Variants in ITGA11 observed in about 807,000 individuals in gnomAD.
ITGA11 encodes integrin subunit alpha 11, also known as integrin alpha-11.
In ITGA11, 97 loss-of-function variants were observed where a neutral mutation model predicts 141.9. The observed-to-expected ratio is 0.68, with a 90% confidence interval of 0.58 to 0.81. The LOEUF (loss-of-function observed/expected upper bound fraction) is 0.81. Among genes scored for constraint, ITGA11 ranks in the 30% least tolerant of loss-of-function variants. The pLI is 0.00. For synonymous variants in ITGA11, 658 were observed against 624.6 expected (o/e 1.05, Z -0.80); for missense variants, 1,387 against 1,559.2 (o/e 0.89, Z 1.86).
intron 1 of ITGA11, among the ~76,000 whole-genome samples, chr15:68,431,305 T>G (rs1897265514): frequency 6.6e-6 from 1 of 152,174 alleles, no homozygotes; most frequent in South Asian, 2.1e-4. Context: ...TTTCCCCAGA[T>G]TATTGAATAA....
At chr15:68,350,486 G>T in intron 9 of ITGA11, 131 bp downstream of exon 9, 1 of 863,158 alleles carries the variant, frequency 1.2e-6, no homozygotes, top group Non-Finnish European at 1.7e-6. Context: ...CACCATGCCT[G>T]GCCTGGCATT....
intron 20 of ITGA11, among the ~76,000 whole-genome samples, chr15:68,318,099 A>G: frequency 6.6e-6 from 1 of 151,932 alleles, no homozygotes. Context: ...GATGTTGGGG[A>G]GAGAGAGGAG....
chr15:68,307,453 C>A lies in ITGA11; in HGVS notation c.3286-10G>T. On this transcript the variant is annotated splice_polypyrimidine_tract_variant and intron_variant, in intron 27 of 29. Transcript: ENST00000315757. The surrounding 1 kb of genome is among the most constrained non-coding windows in gnomAD (Gnocchi z 6.1). ...TGGATTTGTACTTGAGCTGTGCAAT[C>A]AGAGGGCTCGTCAGAAGCTGGCTTG... 1 of 1,553,698 alleles carries A rather than the reference C, an allele frequency of 6.4e-7. No homozygotes were observed. Among genetic ancestry groups the A allele is most frequent in the East Asian group, 2.4e-5 (1 of 41,268 alleles).
At chr15:68,355,801 A>G (rs1190886148) in intron 7 of ITGA11, among the ~76,000 whole-genome samples, 5 of 151,672 alleles carry the variant, frequency 3.3e-5, no homozygotes, top group Non-Finnish European at 7.4e-5. Context: ...AACTAACCCT[A>G]CCTAAGGTGG....
chr15:68,385,651 G>A (rs1895967713), intron 2 of ITGA11, among the ~76,000 whole-genome samples: 1 of 152,206 alleles, frequency 6.6e-6, no homozygotes, highest in African/African-American at 2.4e-5. Context: ...CATGAGATCT[G>A]CGATGGTGGG....
intron 2 of ITGA11, among the ~76,000 whole-genome samples, chr15:68,376,738 TCTA>T (rs1183879686): frequency 6.6e-6 from 1 of 152,254 alleles, no homozygotes; most frequent in African/African-American, 2.4e-5. Context: ...AGTGTTCTCA[TCTA>T]CCCAAAGGGA....
intron 1 of ITGA11, among the ~76,000 whole-genome samples, chr15:68,420,665 C>T (rs1257923279): frequency 7.9e-5 from 12 of 152,174 alleles, no homozygotes; most frequent in Admixed American, 3.9e-4. Flanking sequence ...CTGTGGCAGG[C>T]GGGTGGGGAG....
Position 68,311,389 on chromosome 15 carries a change from G to T in ITGA11, c.2988C>A (p.Gly996=), listed in dbSNP as rs933058118. 2 of 1,563,744 alleles carry T rather than the reference G, an allele frequency of 1.3e-6. No individual in the cohort carries two copies. Among genetic ancestry groups the T allele is most frequent in the Non-Finnish European group, 1.7e-6 (2 of 1,152,796 alleles). ...TCATCATCCCGTGGATGGGGAACAA[G>T]CCCAAGTTCTGGATCTGTGGCCAGA... is the stretch of plus-strand genomic sequence containing the variant. The part of the protein sequence containing the change: ...FSCIFRIQNL[G]LFPIHGMMMK... The change falls in exon 25 of 30, where the codon GGC becomes GGA. Residue 996 remains glycine (G), a synonymous_variant. Coordinates refer to ENST00000315757, the MANE Select transcript of ITGA11 (RefSeq NM_001004439.2).
chr15:68,415,316 C>T (rs188803571), intron 1 of ITGA11, among the ~76,000 whole-genome samples: 103 of 152,154 alleles, frequency 6.8e-4, no homozygotes, highest in Non-Finnish European at 8.5e-4. Flanking sequence ...AATAATGGGA[C>T]GAAGAAATTG....
chr15:68,424,638 A>G (rs939223885), intron 1 of ITGA11, among the ~76,000 whole-genome samples: 5 of 152,128 alleles, frequency 3.3e-5, no homozygotes, highest in Non-Finnish European at 7.4e-5. Flanking sequence ...CTACAATTCC[A>G]TGCCAGAATG....
At chr15:68,364,660 C>G (rs1278749408) in intron 4 of ITGA11, 47 bp downstream of exon 4, 2 of 1,303,454 alleles carry the variant, frequency 1.5e-6, no homozygotes, top group Non-Finnish European at 2.2e-6. Flanking sequence ...CCTCCCCACC[C>G]CCACCCCTGC....
Position 68,332,055 on chromosome 15 carries a change from A to C in ITGA11, c.1574T>G (p.Phe525Cys). The change falls in exon 14 of 30, where the codon TTT (phenylalanine) becomes TGT (cysteine). Residue 525 changes from phenylalanine to cysteine, a missense_variant. By Grantham distance (205) the Phe-to-Cys change is radical. Transcript: ENST00000315757. ...ATCCTTTAGCGTTCCGTTATAAACA[A>C]ACAGGTTCTGCAAAACCAGGGGCAG... ...VYVYELRQNL[F>C]VYNGTLKDSH... The C allele has an allele frequency of 6.3e-7, 1 of 1,598,982 alleles. No individual in the cohort carries two copies. The highest frequency in any genetic ancestry group is 8.5e-7 in the Non-Finnish European group (1 of 1,172,660).
intron 14 of ITGA11, 45 bp downstream of exon 14, chr15:68,331,814 C>A (rs774498425): frequency 1.3e-6 from 2 of 1,516,140 alleles, no homozygotes; most frequent in South Asian, 2.4e-5. Flanking sequence ...TCCTGGGACT[C>A]CTGCAGCCCC....
At chr15:68,417,442 C>T (rs979630205) in intron 1 of ITGA11, among the ~76,000 whole-genome samples, 8 of 152,212 alleles carry the variant, frequency 5.3e-5, no homozygotes, top group African/African-American at 9.6e-5. Context: ...ACTAAGCCAT[C>T]CTCTTCATTT....
Position 68,301,792 on chromosome 15 carries a change from C to T in ITGA11, c.*1267G>A, listed in dbSNP as rs763308495. The T allele has an allele frequency of 1.3e-5, 2 of 152,576 alleles. No homozygotes were observed. Among genetic ancestry groups the T allele is most frequent in the Non-Finnish European group, 2.9e-5 (2 of 68,032 alleles). The allele number at this position is 152,576 out of a possible 1,614,324, so 9.5% of individuals were successfully genotyped here. On this transcript the variant is annotated 3_prime_UTR_variant, in exon 30 of 30. Transcript: ENST00000315757. This position sits in a 1 kb window ranked among gnomAD's most constrained non-coding sequence, Gnocchi z 4.4. ...AGGGGGACTGATGCCTTTCATGTGT[C>T]CCCCTTGCATTTCTACCTCAAAACA...
chr15:68,326,522 T>C lies in ITGA11; in HGVS notation c.2211+132A>G. 1 of 962,072 alleles carries C rather than the reference T, an allele frequency of 1.0e-6. No individual in the cohort carries two copies. The highest frequency in any genetic ancestry group is 1.7e-5 in the South Asian group (1 of 57,294). 59.6% of individuals were successfully genotyped at this position (962,072 alleles called of 1,614,324 possible). A position where few individuals can be genotyped will look rare whatever the true frequency, so the allele number is the denominator to read the frequency against. ...GAATGTGGAGTGGCCAAGGTCAGGGTACACTGTCCCTGGCTGGCTTCCTGA... is the reference window on the plus strand; with the variant it reads ...GAATGTGGAGTGGCCAAGGTCAGGGCACACTGTCCCTGGCTGGCTTCCTGA... On this transcript the variant is annotated intron_variant, in intron 17 of 29. Coordinates refer to ENST00000315757, the MANE Select transcript of ITGA11 (RefSeq NM_001004439.2). This position sits in a 1 kb window ranked among gnomAD's most constrained non-coding sequence, Gnocchi z 6.8.
intron 2 of ITGA11, among the ~76,000 whole-genome samples, chr15:68,402,325 A>T (rs1181211498): frequency 6.6e-6 from 1 of 152,156 alleles, no homozygotes; most frequent in African/African-American, 2.4e-5. Context: ...TGATGGCCTC[A>T]CAACATGGTA....
chr15:68,427,184 T>C (rs1370833212), intron 1 of ITGA11, among the ~76,000 whole-genome samples: 2 of 152,154 alleles, frequency 1.3e-5, no homozygotes, highest in Non-Finnish European at 2.9e-5. Context: ...AGCAAGGCCT[T>C]ATTGAGATGT....
At chr15:68,416,813 G>A (rs144021290) in intron 1 of ITGA11, among the ~76,000 whole-genome samples, 1 of 152,258 alleles carries the variant, frequency 6.6e-6, no homozygotes, top group East Asian at 1.9e-4. Context: ...CTACTCGGGA[G>A]GCTGAGGTAG....
Sources: allele counts gnomAD v4.1 joint callset (sites outside exome capture counted in the v4.1 genomes callset), GRCh38; gene constraint gnomAD v4.1.1; non-coding constraint Gnocchi (gnomAD v3.1); transcripts MANE v1.5; gene names NCBI Gene and HGNC (gene_info 2026-07-23, HGNC 2026-07-21).